The following CCNH variants were observed in gnomAD, a reference collection of about 807,000 sequenced individuals.
CCNH encodes the protein cyclin-H.
In CCNH, 31 loss-of-function variants were observed where a neutral mutation model predicts 41.9. The ratio of observed to expected loss-of-function variants is 0.74; its 90% CI spans 0.56 to 1.00. The LOEUF (loss-of-function observed/expected upper bound fraction) is 1.00. Ranked by LOEUF, CCNH falls within the 50% of genes least tolerant of loss-of-function variation. CCNH has a pLI of 0.00. For missense variants in CCNH, 362 were observed against 388.4 expected (o/e 0.93, Z 0.57); for synonymous variants, 138 against 136.1 (o/e 1.01, Z -0.10).
At chr5:87,321,214 G>A (rs1350751462) in intron 9 of CCNH, among the ~76,000 whole-genome samples, 1 of 152,138 alleles carries the variant, frequency 6.6e-6, no homozygotes, top group Non-Finnish European at 1.5e-5. Context: ...AAGATAAGAA[G>A]TGTTTAGGAA....
In CCNH at chr5:87,412,809, C is replaced by T. The variant is rs773177208; in HGVS notation, c.-15G>A. The T allele has an allele frequency of 1.2e-6, 2 of 1,613,650 alleles. No individual in the cohort carries two copies. Among genetic ancestry groups the T allele is most frequent in the East Asian group, 4.5e-5 (2 of 44,852 alleles). ...TTGTGGTACATTATGGAATCGTGAC[C>T]AGGTCCAGAGGGTCTGCAGACGAGA... On this transcript the variant is annotated 5_prime_UTR_variant, in exon 1 of 9. It introduces an in-frame stop codon into an upstream open reading frame of the 5' UTR. Transcript: ENST00000256897.
intron 9 of CCNH, among the ~76,000 whole-genome samples, chr5:87,346,039 A>C (rs572980103): frequency 1.3e-5 from 2 of 152,246 alleles, no homozygotes; most frequent in East Asian, 3.9e-4. Context: ...TGTCTTGACT[A>C]TGATGCCTTT....
intron 9 of CCNH, among the ~76,000 whole-genome samples, chr5:87,357,164 A>ATT (rs994726740): frequency 2.0e-5 from 3 of 149,926 alleles, no homozygotes; most frequent in Non-Finnish European, 3.0e-5. Flanking sequence ...TTTTTGAGTA[A>ATT]TTTTTTTTTT....
chr5:87,337,941 T>C (rs1284533854), intron 9 of CCNH: 1 of 1,561,638 alleles, frequency 6.4e-7, no homozygotes, highest in Non-Finnish European at 8.7e-7. Context: ...TTAAAATTTT[T>C]AAATTTAATA....
At chr5:87,375,105 C>A (rs1427983602), downstream of CCNH, among the ~76,000 whole-genome samples, 1 of 151,908 alleles carries the variant, frequency 6.6e-6, no homozygotes, top group Non-Finnish European at 1.5e-5. Context: ...AGAAAAAGAC[C>A]AATATGGTTC....
intron 5 of CCNH, among the ~76,000 whole-genome samples, chr5:87,403,486 G>A (rs774480333): frequency 6.6e-6 from 1 of 152,136 alleles, no homozygotes; most frequent in Non-Finnish European, 1.5e-5. Flanking sequence ...CTTACAGAAT[G>A]AAGTCTGCAG....
rs573483086 is a variant in CCNH at position 87,348,856 on chromosome 5, A to C, written c.*91-29959T>G. ...ACTTTTTAGAATCTTCTTATTACGA[A>C]GATTTACATACAGAATTTAGCAGTT... On this transcript the variant is annotated intron_variant and NMD_transcript_variant, in intron 9 of 9. Coordinates refer to the CCNH transcript ENST00000645953. Among the ~76,000 whole-genome samples the C allele has an allele frequency of 6.6e-5, 10 of 152,078 alleles. No homozygotes were observed. The South Asian group carries it at 2.1e-3, about 32-fold the overall frequency.
chr5:87,376,904 T>C lies in CCNH; in HGVS notation n.277A>G, dbSNP rs756153877. ...AGCTTATACTGCAAAAGGAACTTCA[T>C]GTAGTCTATGCTTTATCACATGTAT... On this transcript the variant is annotated non_coding_transcript_exon_variant, in exon 1 of 1. Coordinates refer to the CCNH transcript ENST00000607486. 6.2e-7 allele frequency: 1 copy of C among 1,609,024 alleles called. No individual in the cohort carries two copies. Among genetic ancestry groups the C allele is most frequent in the Middle Eastern group, 1.7e-4 (1 of 6,048 alleles).
chr5:87,349,410 T>C (rs772069216), intron 9 of CCNH: 3 of 1,591,788 alleles, frequency 1.9e-6, no homozygotes, highest in African/African-American at 1.3e-5. Context: ...GCAAAAATAG[T>C]TGAAATCTTG....
intron 9 of CCNH, among the ~76,000 whole-genome samples, chr5:87,384,235 T>C (rs1037807625): frequency 9.9e-5 from 15 of 152,098 alleles, no homozygotes; most frequent in African/African-American, 3.6e-4. Context: ...CCGTTAGAGA[T>C]TTTTAAAGTC....
At chr5:87,352,123 C>G (rs1317748734) in intron 9 of CCNH, among the ~76,000 whole-genome samples, 2 of 151,304 alleles carry the variant, frequency 1.3e-5, no homozygotes, top group East Asian at 3.9e-4. Flanking sequence ...TTTAATAATG[C>G]TTTTATTTAT....
At chr5:87,348,684 C>T (rs376463889) in intron 9 of CCNH, among the ~76,000 whole-genome samples, 18 of 150,932 alleles carry the variant, frequency 1.2e-4, no homozygotes, top group African/African-American at 4.4e-4. Flanking sequence ...GTTGTCCAGG[C>T]TGGTATCAAA....
chr5:87,338,501 T>TTATATATATATATATA (rs3069490), intron 9 of CCNH, among the ~76,000 whole-genome samples: 35 of 75,666 alleles, frequency 4.6e-4, no homozygotes, highest in African/African-American at 1.6e-3. Context: ...CCAGCTAATT[T>TTATATATATATATATA]TATATATATA....
chr5:87,312,328 A>G, the CCNH span, among the ~76,000 whole-genome samples: 14 of 152,344 alleles, frequency 9.2e-5, no homozygotes, highest in African/African-American at 3.1e-4. Context: ...GATAGTAAAC[A>G]TTTGTACAAA....
At chr5:87,336,064 C>G (rs1190614117) in intron 9 of CCNH, among the ~76,000 whole-genome samples, 1 of 152,114 alleles carries the variant, frequency 6.6e-6, no homozygotes, top group Non-Finnish European at 1.5e-5. Flanking sequence ...AGATTTTCCT[C>G]ATATGTTTTA....
chr5:87,321,003 T>G (rs1040833053), intron 9 of CCNH, among the ~76,000 whole-genome samples: 1 of 152,220 alleles, frequency 6.6e-6, no homozygotes, highest in East Asian at 1.9e-4. Flanking sequence ...TGTACACTTC[T>G]GAGCTATTAG....
intron 9 of CCNH, chr5:87,346,797 G>A: frequency 8.3e-7 from 1 of 1,210,044 alleles, no homozygotes. Context: ...CATTTATCAT[G>A]TGTTTTGCCT....
At chr5:87,361,137 G>C (rs939814567) in intron 9 of CCNH, among the ~76,000 whole-genome samples, 1 of 152,138 alleles carries the variant, frequency 6.6e-6, no homozygotes, top group South Asian at 2.1e-4. Context: ...AGTTCATTTA[G>C]TGTGTCCACT....
upstream of CCNH, chr5:87,379,888 A>T: frequency 6.3e-7 from 1 of 1,587,672 alleles, no homozygotes; most frequent in Non-Finnish European, 8.6e-7. Context: ...GAAATTGTGT[A>T]TCTATGTCTT....
Sources: gnomAD v4.1 joint callset for allele counts (sites outside exome capture counted in the v4.1 genomes callset) on GRCh38, gnomAD v4.1.1 for gene constraint, MANE v1.5 for transcripts, NCBI Gene and HGNC (gene_info 2026-07-23, HGNC 2026-07-21) for gene names.